Variants in EIF3J observed in about 807,000 individuals in gnomAD.
EIF3J encodes the protein eukaryotic translation initiation factor 3, subunit 1 (alpha, 35kD).
In EIF3J, 15 loss-of-function variants were observed where a neutral mutation model predicts 39.0. That is an observed-to-expected ratio of 0.38 (90% CI 0.26 to 0.59). The LOEUF is 0.59. EIF3J is among the 20% of genes least tolerant of loss of function. The pLI, the probability that EIF3J is intolerant of heterozygous loss-of-function variation, is 0.60. For missense variants in EIF3J, 226 were observed against 308.6 expected (o/e 0.73, Z 2.00); for synonymous variants, 98 against 112.9 (o/e 0.87, Z 0.84).
At chr15:44,559,039 C>A (rs1168721267) in intron 6 of EIF3J, 2 of 152,004 alleles carry the variant, frequency 1.3e-5, no homozygotes, top group Non-Finnish European at 2.9e-5. Flanking sequence ...TCACTGTTCT[C>A]ATTGTAGTTC....
At chr15:44,558,443 G>A (rs2082162891) in intron 6 of EIF3J, among the ~76,000 whole-genome samples, 1 of 151,960 alleles carries the variant, frequency 6.6e-6, no homozygotes, top group African/African-American at 2.4e-5. Context: ...GCAGGAGAAT[G>A]GCATGAACCT....
intron 2 of EIF3J, 85 bp downstream of exon 2, chr15:44,537,512 G>A (rs1449492917): frequency 2.9e-6 from 4 of 1,360,558 alleles, no homozygotes; most frequent in South Asian, 1.6e-5. Context: ...CGCTGCCGGG[G>A]CCTGCGGGCC....
At position 44,537,206 on chromosome 15, in the gene EIF3J, G is replaced by T; in HGVS notation, c.12G>T (p.Ala4=). 1 of 1,605,876 alleles carries T rather than the reference G, an allele frequency of 6.2e-7. No homozygotes were observed. Among genetic ancestry groups the T allele is most frequent in the South Asian group, 1.1e-5 (1 of 90,416 alleles). The part of the protein sequence containing the change: MAA[A]AAAAGDSDSW... ...ACACCCGGCTCGAGATGGCGGCGGC[G>T]GCGGCGGCGGCGGGGGACTCGGACT... The change falls in exon 1 of 8, where the codon GCG becomes GCT. Residue 4 remains alanine (A), a synonymous_variant. Coordinates refer to ENST00000261868, the MANE Select transcript of EIF3J (RefSeq NM_003758.4).
chr15:44,551,905 G>C (rs1158665939), intron 4 of EIF3J, among the ~76,000 whole-genome samples: 7 of 151,516 alleles, frequency 4.6e-5, no homozygotes, highest in South Asian at 2.1e-4. Context: ...TCTCGGCTCA[G>C]TGCAACCTCT....
chr15:44,537,494 C>T (rs1029549994), intron 2 of EIF3J, 67 bp downstream of exon 2: 1 of 1,413,804 alleles, frequency 7.1e-7, no homozygotes, highest in Non-Finnish European at 9.2e-7. Flanking sequence ...CGACTCTGGG[C>T]CCCGGGTCGC....
chr15:44,544,377 C>T (rs139419759), intron 2 of EIF3J, among the ~76,000 whole-genome samples: 67 of 147,898 alleles, frequency 4.5e-4, no homozygotes, highest in African/African-American at 1.5e-3. Context: ...GGATTACAGG[C>T]GTGAGCCAAC....
chr15:44,538,169 T>G (rs1455353285), intron 2 of EIF3J, among the ~76,000 whole-genome samples: 1 of 152,156 alleles, frequency 6.6e-6, no homozygotes, highest in East Asian at 1.9e-4. Context: ...GCCCGTGGTT[T>G]TTTGTTGTTG....
intron 2 of EIF3J, among the ~76,000 whole-genome samples, chr15:44,544,493 T>G (rs1471944546): frequency 1.5e-5 from 2 of 134,772 alleles, no homozygotes; most frequent in East Asian, 4.6e-4. Flanking sequence ...TCACCTGAGG[T>G]CGGGAGTTCA....
chr15:44,537,277 G>A, intron 1 of EIF3J, 40 bp downstream of exon 1: 2 of 1,567,188 alleles, frequency 1.3e-6, no homozygotes, highest in Non-Finnish European at 1.7e-6. Context: ...GGCCGGCGCC[G>A]GCCCCACGCA....
intron 5 of EIF3J, among the ~76,000 whole-genome samples, chr15:44,555,962 T>C (rs1213085915): frequency 6.6e-6 from 1 of 152,050 alleles, no homozygotes; most frequent in South Asian, 2.1e-4. Context: ...GCTCAAGCCA[T>C]CCTCCCACCT....
intron 2 of EIF3J, among the ~76,000 whole-genome samples, chr15:44,546,966 C>T (rs1177991106): frequency 2.6e-5 from 4 of 151,000 alleles, no homozygotes; most frequent in African/African-American, 7.3e-5. Context: ...GGATTACGGG[C>T]GTGCACCACC....
intron 2 of EIF3J, among the ~76,000 whole-genome samples, chr15:44,542,786 C>A (rs1308126802): frequency 6.6e-6 from 1 of 152,154 alleles, no homozygotes; most frequent in Non-Finnish European, 1.5e-5. Flanking sequence ...TAAACAGGCC[C>A]TATTCTAAGA....
intron 7 of EIF3J, chr15:44,560,610 C>G (rs1350599605): frequency 2.7e-6 from 1 of 377,290 alleles, no homozygotes; most frequent in East Asian, 4.3e-5. Flanking sequence ...CTTCAGTCTT[C>G]TCCCTTCTAA....
chr15:44,539,736 T>C (rs202155686), intron 2 of EIF3J, among the ~76,000 whole-genome samples: 245 of 147,722 alleles, frequency 1.7e-3, no homozygotes, highest in African/African-American at 3.6e-3. Context: ...CTTTTTCTTT[T>C]TTTTTTTTTT....
Position 44,562,012 on chromosome 15 carries a change from GT to G in EIF3J, c.*865del, listed in dbSNP as rs2082203015. 6.6e-6 allele frequency: 1 copy of G among 152,382 alleles called. No individual in the cohort carries two copies. The highest frequency in any genetic ancestry group is 1.5e-5 in the Non-Finnish European group (1 of 68,012). The allele number at this position is 152,382 out of a possible 1,614,324, so 9.4% of individuals were successfully genotyped here. ...CCAGTTAACTACAGTTTGGTAAATT[GT>G]TATGTTAACAATTATGACATCTGCA... On this transcript the variant is annotated 3_prime_UTR_variant, in exon 8 of 8. Transcript: ENST00000261868.
At chr15:44,545,483 A>C (rs1379941443) in intron 2 of EIF3J, among the ~76,000 whole-genome samples, 2 of 152,238 alleles carry the variant, frequency 1.3e-5, no homozygotes, top group Non-Finnish European at 2.9e-5. Context: ...TTTGTAAGCA[A>C]GTGTTTAAAA....
chr15:44,552,121 A>C (rs1336328389), intron 4 of EIF3J, among the ~76,000 whole-genome samples: 1 of 151,848 alleles, frequency 6.6e-6, no homozygotes, highest in Non-Finnish European at 1.5e-5. Flanking sequence ...GCGTCTGGCC[A>C]GGATTAGTTT....
chr15:44,558,164 C>A (rs1159009597), intron 6 of EIF3J, among the ~76,000 whole-genome samples: 3 of 152,156 alleles, frequency 2.0e-5, no homozygotes, highest in Admixed American at 6.5e-5. Flanking sequence ...ATGGGAGTGA[C>A]AGCCATGGGT....
intron 6 of EIF3J, among the ~76,000 whole-genome samples, chr15:44,559,993 C>T (rs996255852): frequency 4.6e-5 from 7 of 152,154 alleles, no homozygotes; most frequent in African/African-American, 1.4e-4. Context: ...TTAAGTGATC[C>T]ACCCACCTAG....
Sources: gnomAD v4.1 joint callset for allele counts (sites outside exome capture counted in the v4.1 genomes callset) on GRCh38, gnomAD v4.1.1 for gene constraint, MANE v1.5 for transcripts, NCBI Gene and HGNC (gene_info 2026-07-23, HGNC 2026-07-21) for gene names.